Variants in PCDHGA7 observed in about 807,000 individuals in gnomAD.
PCDHGA7 encodes the protein protocadherin gamma subfamily A, 7.
PCDHGA7 carries 44 observed loss-of-function variants against 58.3 expected under a neutral mutation model. The ratio of observed to expected loss-of-function variants is 0.75; its 90% CI spans 0.59 to 0.97. The LOEUF is 0.97. Among genes scored for constraint, PCDHGA7 ranks in the 50% least tolerant of loss-of-function variants. PCDHGA7 has a pLI of 0.00. For missense variants in PCDHGA7, 1,266 were observed against 1,188.7 expected (o/e 1.06, Z -0.96); for synonymous variants, 516 against 504.2 (o/e 1.02, Z -0.31).
At position 141,485,227 on chromosome 5, in the gene PCDHGA7, G is replaced by C. The variant is rs2099609828; in HGVS notation, c.2425-9580G>C. 1 of 1,614,186 alleles carries C rather than the reference G, an allele frequency of 6.2e-7. No individual in the cohort carries two copies. Among genetic ancestry groups the C allele is most frequent in the Non-Finnish European group, 8.5e-7 (1 of 1,180,020 alleles). On this transcript the variant is annotated intron_variant, in intron 1 of 3. Transcript: ENST00000518325. The surrounding 1 kb of genome is among the most constrained non-coding windows in gnomAD (Gnocchi z 5.7). The stretch of plus-strand genomic sequence containing the variant: ...AAATCTGGCGGTGGGCTACCCTTTT[G>C]TTCCTCTTTTACCACCTGGGTTACG...
intron 1 of PCDHGA7, chr5:141,415,740 G>GTTTTTTTT (rs57426385): frequency 1.3e-4 from 79 of 625,006 alleles, no homozygotes; most frequent in African/African-American, 1.8e-4. Flanking sequence ...GTTTATTAAG[G>GTTTTTTTT]TTTTTTTTTT....
chr5:141,487,451 A>G lies in PCDHGA7; in HGVS notation c.2425-7356A>G. 6.2e-7 allele frequency: 1 copy of G among 1,614,122 alleles called. No homozygotes were observed. Among genetic ancestry groups the G allele is most frequent in the Non-Finnish European group, 8.5e-7 (1 of 1,180,006 alleles). On this transcript the variant is annotated intron_variant, in intron 1 of 3. Transcript: ENST00000518325. This position sits in a 1 kb window ranked among gnomAD's most constrained non-coding sequence, Gnocchi z 5.0. ...AATCCAGCTAGGGTCAGATGACCCT[A>G]TCAAGTTTGTTGATGTGGGAGGCCA...
intron 1 of PCDHGA7, chr5:141,427,507 T>A: frequency 1.7e-6 from 1 of 584,928 alleles, no homozygotes; most frequent in Non-Finnish European, 3.2e-6. Context: ...GATGGGACCC[T>A]GGATTGGGAG....
chr5:141,439,579 G>A (rs980322898), intron 1 of PCDHGA7, among the ~76,000 whole-genome samples: 6 of 152,148 alleles, frequency 3.9e-5, no homozygotes, highest in African/African-American at 1.4e-4. Context: ...GGGACTCAGA[G>A]TGCCACTGTT....
At chr5:141,397,361 G>A (rs2093513931) in intron 1 of PCDHGA7, among the ~76,000 whole-genome samples, 1 of 152,164 alleles carries the variant, frequency 6.6e-6, no homozygotes. Flanking sequence ...TCAGGAAGAG[G>A]AGATGTTTGG....
intron 1 of PCDHGA7, chr5:141,390,461 C>T: frequency 2.7e-6 from 2 of 738,224 alleles, no homozygotes; most frequent in Non-Finnish European, 4.3e-6. Context: ...AAAGTAGGAG[C>T]AATTGTGTGG....
At chr5:141,397,824 A>G (rs2093574037) in intron 1 of PCDHGA7, among the ~76,000 whole-genome samples, 3 of 152,240 alleles carry the variant, frequency 2.0e-5, no homozygotes, top group Admixed American at 2.0e-4. Flanking sequence ...CAATTACTGC[A>G]CTGGTTAACT....
In PCDHGA7 at chr5:141,511,125, A is replaced by T. The variant is rs755685600; in HGVS notation, c.2751A>T (p.Ala917=). Residue 917 remains alanine, a synonymous_variant, in exon 4 of 4, where the codon GCA becomes GCT. Transcript: ENST00000518325. ...GCAAGCGGGATGGCAAGGCCCCAGCAGGTGGCAATGGCAACAAGAAGAAGT... is the reference window on the plus strand; with the variant it reads ...GCAAGCGGGATGGCAAGGCCCCAGCTGGTGGCAATGGCAACAAGAAGAAGT... ...AAGKRDGKAP[A]GGNGNKKKSG... 2 of 1,614,216 alleles carry T rather than the reference A, an allele frequency of 1.2e-6. No individual in the cohort carries two copies. The highest frequency in any genetic ancestry group is 2.2e-5 in the South Asian group (2 of 91,092).
Position 141,511,349 on chromosome 5 carries a change from C to T in PCDHGA7, c.*176C>T, listed in dbSNP as rs1463242262. The T allele has an allele frequency of 2.1e-6, 3 of 1,401,380 alleles. No homozygotes were observed. The highest frequency in any genetic ancestry group is 2.9e-5 in the African/African-American group (2 of 68,826). 86.8% of individuals were successfully genotyped at this position (1,401,380 alleles called of 1,614,324 possible). The stretch of plus-strand genomic sequence containing the variant: ...GCCCAGTCAGCACCTACCCCTTCCC[C>T]CCCAGGGGGTTGAATATGCAAAAGC... On this transcript the variant is annotated 3_prime_UTR_variant, in exon 4 of 4. Transcript: ENST00000518325.
chr5:141,472,183 A>G (rs2099273731), intron 1 of PCDHGA7, among the ~76,000 whole-genome samples: 1 of 152,190 alleles, frequency 6.6e-6, no homozygotes, highest in South Asian at 2.1e-4. Flanking sequence ...CCAGTATTGG[A>G]ATTTGAATCT....
Position 141,432,075 on chromosome 5 carries a change from C to T in PCDHGA7, c.2424+46752C>T. On this transcript the variant is annotated intron_variant, in intron 1 of 3. Transcript: ENST00000518325. The surrounding 1 kb of genome is among the most constrained non-coding windows in gnomAD (Gnocchi z 6.0). ...CCCCTATCCACGGAAACTCATATCT[C>T]GCTGAACGTGGCAGACACCAACGAC... 3 of 1,614,204 alleles carry T rather than the reference C, an allele frequency of 1.9e-6. No homozygotes were observed. Among genetic ancestry groups the T allele is most frequent in the Non-Finnish European group, 2.5e-6 (3 of 1,180,046 alleles).
chr5:141,450,608 T>C (rs916441293), intron 1 of PCDHGA7, among the ~76,000 whole-genome samples: 5 of 151,776 alleles, frequency 3.3e-5, no homozygotes, highest in Admixed American at 2.6e-4. Flanking sequence ...TGCCTCAGCC[T>C]CCTGAGTAGC....
rs1216200329 is a variant in PCDHGA7, at chr5:141,491,485, C to G, written c.2425-3322C>G. ...CTTCTATAAGCAGTCCAGCCCCAAC[C>G]TGCAGGTGAGCTCGGACGGCACGCT... On this transcript the variant is annotated intron_variant, in intron 1 of 3. Coordinates refer to ENST00000518325, the MANE Select transcript of PCDHGA7 (RefSeq NM_018920.4). This position sits in a 1 kb window ranked among gnomAD's most constrained non-coding sequence, Gnocchi z 6.9. 6.2e-7 allele frequency: 1 copy of G among 1,614,148 alleles called. No individual in the cohort carries two copies. The highest frequency in any genetic ancestry group is 1.3e-5 in the African/African-American group (1 of 75,064).
chr5:141,432,227 T>C lies in PCDHGA7; in HGVS notation c.2424+46904T>C, dbSNP rs1046414550. On this transcript the variant is annotated intron_variant, in intron 1 of 3. Coordinates refer to ENST00000518325, the MANE Select transcript of PCDHGA7 (RefSeq NM_018920.4). This position sits in a 1 kb window ranked among gnomAD's most constrained non-coding sequence, Gnocchi z 6.0. ...TGAAGAGAACGCCCAGATCACTTATTCCCTGGCTGAGAACACCATCCAAGG... is the reference window on the plus strand; with the variant it reads ...TGAAGAGAACGCCCAGATCACTTATCCCCTGGCTGAGAACACCATCCAAGG... 1.4e-5 allele frequency: 22 copies of C among 1,614,080 alleles called. No individual in the cohort carries two copies. The highest frequency in any genetic ancestry group is 1.8e-5 in the Non-Finnish European group (21 of 1,180,042).
At chr5:141,459,938 C>T (rs373341229) in intron 1 of PCDHGA7, among the ~76,000 whole-genome samples, 4 of 152,148 alleles carry the variant, frequency 2.6e-5, no homozygotes, top group African/African-American at 4.8e-5. Context: ...TGTAGCTGGG[C>T]GTGATGGCAG....
intron 1 of PCDHGA7, chr5:141,399,376 A>G: frequency 6.2e-7 from 1 of 1,613,956 alleles, no homozygotes; most frequent in Non-Finnish European, 8.5e-7. Flanking sequence ...GTACAATGTC[A>G]CCATCACAGC....
At chr5:141,408,884 A>G (rs755835568) in intron 1 of PCDHGA7, 2 of 1,613,384 alleles carry the variant, frequency 1.2e-6, no homozygotes, top group Non-Finnish European at 1.7e-6. Context: ...CACCGCTCAC[A>G]TAGAAATTTC....
chr5:141,428,043 A>C (rs765740380), intron 1 of PCDHGA7: 1 of 1,608,722 alleles, frequency 6.2e-7, no homozygotes, highest in South Asian at 1.1e-5. Context: ...CTACCTGGTG[A>C]CCAAGGTGGT....
chr5:141,509,346 G>A (rs946395640), intron 3 of PCDHGA7, among the ~76,000 whole-genome samples: 7 of 152,194 alleles, frequency 4.6e-5, no homozygotes, highest in Non-Finnish European at 8.8e-5. Flanking sequence ...GCCTGGGCTG[G>A]CCTGGGCATC....
Sources: allele counts gnomAD v4.1 joint callset (sites outside exome capture counted in the v4.1 genomes callset), GRCh38; gene constraint gnomAD v4.1.1; non-coding constraint Gnocchi (gnomAD v3.1); transcripts MANE v1.5; gene names NCBI Gene and HGNC (gene_info 2026-07-23, HGNC 2026-07-21).